The following LHPP variants were observed in gnomAD, a reference collection of about 807,000 sequenced individuals.
LHPP encodes the protein phospholysine phosphohistidine inorganic pyrophosphate phosphatase.
A neutral mutation model predicts 30.3 loss-of-function variants in LHPP; 24 were observed. The ratio of observed to expected loss-of-function variants is 0.79; its 90% CI spans 0.57 to 1.11. The LOEUF (loss-of-function observed/expected upper bound fraction) is 1.11, where lower values mean the gene tolerates loss of function less well. Among genes scored for constraint, LHPP ranks in the 50% most tolerant of loss-of-function variants. LHPP has a pLI of 0.00. For synonymous variants in LHPP, 150 were observed against 157.1 expected, an observed-to-expected ratio of 0.95 and a Z score of 0.34; for missense variants, 356 against 367.2, an observed-to-expected ratio of 0.97 and a Z score of 0.25.
intron 1 of LHPP, among the ~76,000 whole-genome samples, chr10:124,462,463 T>G (rs1425984763): frequency 6.6e-6 from 1 of 151,488 alleles, no homozygotes; most frequent in Non-Finnish European, 1.5e-5. Flanking sequence ...GGTGTGGTGG[T>G]GCACGCCTGT....
At chr10:124,575,388 C>T (rs994406210) in intron 6 of LHPP, among the ~76,000 whole-genome samples, 10 of 152,140 alleles carry the variant, frequency 6.6e-5, no homozygotes, top group Non-Finnish European at 1.0e-4. Flanking sequence ...TCAGTGGGGG[C>T]GGAGGTACAG....
intron 1 of LHPP, among the ~76,000 whole-genome samples, chr10:124,479,715 C>T (rs1953067420): frequency 6.6e-6 from 1 of 152,200 alleles, no homozygotes; most frequent in South Asian, 2.1e-4. Context: ...GTGGGAGTCC[C>T]ACCCTTATGC....
chr10:124,608,468 TG>T (rs1222825761), intron 6 of LHPP, among the ~76,000 whole-genome samples: 5 of 152,186 alleles, frequency 3.3e-5, no homozygotes, highest in Non-Finnish European at 4.4e-5. Context: ...GCCCTCCTCA[TG>T]GGAGCCCATG....
At chr10:124,570,216 G>A (rs185546772) in intron 6 of LHPP, among the ~76,000 whole-genome samples, 40 of 152,322 alleles carry the variant, frequency 2.6e-4, no homozygotes, top group African/African-American at 9.4e-4. Context: ...CACCCACAGT[G>A]ACCGTCACAG....
At chr10:124,502,386 A>T (rs1953929670) in intron 5 of LHPP, among the ~76,000 whole-genome samples, 1 of 135,546 alleles carries the variant, frequency 7.4e-6, no homozygotes, top group Admixed American at 7.0e-5. Flanking sequence ...TTTTTTTGAG[A>T]CGGAGTCTCG....
chr10:124,503,717 T>C (rs569398138), intron 5 of LHPP, among the ~76,000 whole-genome samples: 3 of 151,962 alleles, frequency 2.0e-5, no homozygotes, highest in South Asian at 2.1e-4. Context: ...GCCATGTTTA[T>C]AAATATTAAA....
At chr10:124,605,275 A>G (rs1949076660) in intron 6 of LHPP, 1 of 152,152 alleles carries the variant, frequency 6.6e-6, no homozygotes, top group Non-Finnish European at 1.5e-5. Context: ...GCCTTTGTTT[A>G]TTCATTTGGT....
chr10:124,489,524 G>A (rs1452234746), intron 3 of LHPP, among the ~76,000 whole-genome samples: 5 of 152,080 alleles, frequency 3.3e-5, no homozygotes, highest in East Asian at 1.9e-4. Flanking sequence ...GCGTGATCTC[G>A]GCTCGCTGCA....
At chr10:124,462,142 C>T (rs1430455651) in intron 1 of LHPP, among the ~76,000 whole-genome samples, 155 bp downstream of exon 1, 1 of 152,120 alleles carries the variant, frequency 6.6e-6, no homozygotes. Flanking sequence ...ACAGTGCTGA[C>T]CACGGACGAC....
chr10:124,533,274 C>A (rs952834713), intron 6 of LHPP, among the ~76,000 whole-genome samples: 1 of 152,220 alleles, frequency 6.6e-6, no homozygotes, highest in East Asian at 1.9e-4. Flanking sequence ...TTGGAAAACT[C>A]GCCCAGGGAC....
chr10:124,545,460 C>T (rs1955311796), intron 6 of LHPP, among the ~76,000 whole-genome samples: 1 of 152,240 alleles, frequency 6.6e-6, no homozygotes, highest in Non-Finnish European at 1.5e-5. Context: ...CCCATGCACC[C>T]AGGCAGGAAG....
At chr10:124,494,233 G>A (rs531766559) in intron 3 of LHPP, among the ~76,000 whole-genome samples, 253 of 152,292 alleles carry the variant, frequency 1.7e-3, no homozygotes, top group African/African-American at 5.9e-3. Flanking sequence ...GTGGCGCCGC[G>A]TGGGTCCCCT....
intron 6 of LHPP, among the ~76,000 whole-genome samples, chr10:124,587,825 T>G (rs941080412): frequency 6.7e-6 from 1 of 148,648 alleles, no homozygotes; most frequent in Admixed American, 6.7e-5. Context: ...CTGGGCTGTC[T>G]CAGGGGTGGC....
At chr10:124,574,234 C>T (rs1189100907) in intron 6 of LHPP, among the ~76,000 whole-genome samples, 1 of 152,242 alleles carries the variant, frequency 6.6e-6, no homozygotes, top group African/African-American at 2.4e-5. Flanking sequence ...TGGATCTCAG[C>T]GCGCAGCCAC....
At chr10:124,495,925 C>T (rs1401279099) in intron 3 of LHPP, among the ~76,000 whole-genome samples, 2 of 152,314 alleles carry the variant, frequency 1.3e-5, no homozygotes, top group East Asian at 1.9e-4. Context: ...GGCCCACAGG[C>T]GTAAGCAACC....
chr10:124,564,325 A>G (rs911961628), intron 6 of LHPP, among the ~76,000 whole-genome samples: 11 of 152,022 alleles, frequency 7.2e-5, no homozygotes, highest in African/African-American at 7.3e-5. Flanking sequence ...GGGTTTCACC[A>G]TGTTACCCAA....
intron 6 of LHPP, among the ~76,000 whole-genome samples, chr10:124,539,458 C>T (rs11591737): frequency 0.12 from 17,569 of 151,962 alleles, 1,379 homozygotes; most frequent in Non-Finnish European, 0.16. Flanking sequence ...AACCCCATCT[C>T]TACTACAAGT....
At chr10:124,491,925 G>A (rs1336471303) in intron 3 of LHPP, among the ~76,000 whole-genome samples, 1 of 151,966 alleles carries the variant, frequency 6.6e-6, no homozygotes, top group South Asian at 2.1e-4. Context: ...ACTCCATCTC[G>A]AAAAAAACAA....
chr10:124,603,565 A>AT (rs149593890), intron 6 of LHPP, among the ~76,000 whole-genome samples: 18 of 150,276 alleles, frequency 1.2e-4, no homozygotes, highest in Admixed American at 4.6e-4. Flanking sequence ...TTTTGTTTGG[A>AT]TTTTTTTTTT....
Sources: allele counts gnomAD v4.1 joint callset (sites outside exome capture counted in the v4.1 genomes callset), GRCh38; gene constraint gnomAD v4.1.1; transcripts MANE v1.5; gene names NCBI Gene and HGNC (gene_info 2026-07-23, HGNC 2026-07-21).